The following SNPH variants were observed in gnomAD, a reference collection of about 807,000 sequenced individuals.
The protein encoded by SNPH is syntaphilin.
In SNPH, 10 loss-of-function variants were observed where a neutral mutation model predicts 36.8. That is an observed-to-expected ratio of 0.27 (90% CI 0.17 to 0.46). The LOEUF (loss-of-function observed/expected upper bound fraction) is 0.46, where lower values mean the gene tolerates loss of function less well. Among genes scored for constraint, SNPH ranks in the 20% least tolerant of loss-of-function variants. The pLI is 1.00. For missense variants in SNPH, 622 were observed against 744.0 expected (o/e 0.84, Z 1.91); for synonymous variants, 281 against 312.2 (o/e 0.90, Z 1.05).
At chr20:1,277,493 CTGTA>C (rs1300947696) in intron 2 of SNPH, among the ~76,000 whole-genome samples, 34 of 140,372 alleles carry the variant, frequency 2.4e-4, no homozygotes, top group African/African-American at 7.3e-4. Flanking sequence ...GCCTGTGTAT[CTGTA>C]TGTGTGTCCG....
rs956510762 is a variant in SNPH at position 1,294,762 on chromosome 20, A to T, written c.-492-189A>T. On this transcript the variant is annotated intron_variant, in intron 2 of 6. Coordinates refer to ENST00000381867, the MANE Select transcript of SNPH (RefSeq NM_001318234.2). This position sits in a 1 kb window ranked among gnomAD's most constrained non-coding sequence, Gnocchi z 4.4. ...GACCAGGCTCCGGGGAGGCCCTGAC[A>T]TGGGAAGGGGGTGGTCCCCGGGCCA... is the stretch of plus-strand genomic sequence containing the variant. 6.6e-6 allele frequency among the ~76,000 whole-genome samples: 1 copy of T among 152,154 alleles called. No individual in the cohort carries two copies. Among genetic ancestry groups the T allele is most frequent in the African/African-American group, 2.4e-5 (1 of 41,446 alleles).
intron 2 of SNPH, among the ~76,000 whole-genome samples, chr20:1,283,227 G>C (rs936045573): frequency 1.3e-5 from 2 of 152,176 alleles, no homozygotes; most frequent in African/African-American, 4.8e-5. Context: ...TTGCAAGGCT[G>C]CATTCTCAGC....
At position 1,306,066 on chromosome 20, in the gene SNPH, C is replaced by G; in HGVS notation, c.*12C>G. On this transcript the variant is annotated 3_prime_UTR_variant, in exon 7 of 7. Transcript: ENST00000381867. The stretch of plus-strand genomic sequence containing the variant: ...GCTCCCAGCTCTGAGGGGGCCCATT[C>G]TGGCAGCGGCGCCTGCGGCCTGACC... 1.7e-5 allele frequency: 25 copies of G among 1,438,614 alleles called. No individual in the cohort carries two copies. Among genetic ancestry groups the G allele is most frequent in the Non-Finnish European group, 2.3e-5 (25 of 1,098,620 alleles). 89.1% of individuals were successfully genotyped at this position (1,438,614 alleles called of 1,614,324 possible).
intron 5 of SNPH, among the ~76,000 whole-genome samples, chr20:1,298,389 A>G (rs1051309062): frequency 9.8e-5 from 15 of 152,314 alleles, no homozygotes; most frequent in African/African-American, 3.6e-4. Flanking sequence ...ATTTGTGTGA[A>G]GCGATGTCCA....
intron 2 of SNPH, among the ~76,000 whole-genome samples, chr20:1,289,660 C>T (rs1403578138): frequency 6.6e-6 from 1 of 150,864 alleles, no homozygotes; most frequent in Non-Finnish European, 1.5e-5. Context: ...CCAAGAGCAA[C>T]ATAGTGAGAC....
chr20:1,279,718 C>T (rs2122286268), intron 2 of SNPH, among the ~76,000 whole-genome samples: 1 of 151,632 alleles, frequency 6.6e-6, no homozygotes, highest in East Asian at 1.9e-4. Flanking sequence ...ACCTCCACCT[C>T]CTGGGCTCAG....
intron 2 of SNPH, among the ~76,000 whole-genome samples, chr20:1,289,776 C>T (rs2122351852): frequency 9.5e-6 from 1 of 105,608 alleles, no homozygotes; most frequent in African/African-American, 4.1e-5. Flanking sequence ...CTGCAGTGAG[C>T]TATGATTTTG....
chr20:1,278,645 A>G (rs2088181219), intron 2 of SNPH, among the ~76,000 whole-genome samples: 1 of 152,150 alleles, frequency 6.6e-6, no homozygotes, highest in South Asian at 2.1e-4. Context: ...CAGCATAATT[A>G]TTTTGAGATT....
intron 6 of SNPH, 48 bp downstream of exon 6, chr20:1,300,759 C>CA: frequency 6.4e-7 from 1 of 1,560,424 alleles, no homozygotes; most frequent in Non-Finnish European, 8.7e-7. Flanking sequence ...ACCAGCTCCA[C>CA]ACTCAGGGAA....
At chr20:1,281,874 T>C (rs908154245) in intron 2 of SNPH, among the ~76,000 whole-genome samples, 13 of 151,878 alleles carry the variant, frequency 8.6e-5, no homozygotes, top group African/African-American at 3.1e-4. Context: ...GAAGGGGGAG[T>C]AGCTTTGGGA....
intron 2 of SNPH, among the ~76,000 whole-genome samples, chr20:1,291,427 A>G (rs1329543046): frequency 2.6e-5 from 4 of 152,364 alleles, no homozygotes; most frequent in South Asian, 2.1e-4. Flanking sequence ...TGATGAGGCC[A>G]TAGCCAGTGC....
Position 1,276,226 on chromosome 20 carries a change from G to C in SNPH, c.-493+9466G>C, listed in dbSNP as rs534726501. Among the ~76,000 whole-genome samples the C allele has an allele frequency of 6.8e-6, 1 of 147,954 alleles. No individual in the cohort carries two copies. Among genetic ancestry groups the C allele is most frequent in the African/African-American group, 2.4e-5 (1 of 40,988 alleles). ...AGAGCCCCTTCCCCCTCCACAGGAG[G>C]GGGGCTCCTCACTCTGGGGCCGTGT... On this transcript the variant is annotated intron_variant, in intron 2 of 6. Transcript: ENST00000381867. The surrounding 1 kb of genome is among the most constrained non-coding windows in gnomAD (Gnocchi z 4.6).
chr20:1,293,460 G>A (rs2088389139), intron 2 of SNPH, among the ~76,000 whole-genome samples: 1 of 152,196 alleles, frequency 6.6e-6, no homozygotes. Flanking sequence ...TGGCCACCTG[G>A]GGAGAGGCCT....
At chr20:1,282,850 G>T (rs1014204559) in intron 2 of SNPH, among the ~76,000 whole-genome samples, 2 of 152,194 alleles carry the variant, frequency 1.3e-5, no homozygotes, top group African/African-American at 4.8e-5. Flanking sequence ...CTCGTGGTCA[G>T]CCCTATGCTA....
At chr20:1,302,581 A>G (rs1314571574) in intron 6 of SNPH, among the ~76,000 whole-genome samples, 5 of 149,086 alleles carry the variant, frequency 3.4e-5, no homozygotes, top group African/African-American at 1.2e-4. Context: ...AATTTCATCA[A>G]TATTTCTATC....
Position 1,304,863 on chromosome 20 carries a change from C to G in SNPH, c.441-15C>G, listed in dbSNP as rs769723000. 41 of 1,607,844 alleles carry G rather than the reference C, an allele frequency of 2.5e-5. 2 individuals are homozygous for G. In the South Asian group the frequency reaches 4.2e-4, roughly 16 times the overall value. ...AGGCAGGCAGTGAGCGTGTGTGTGT[C>G]TCCTCGGCTCGCAGGGACACAGAGA... On this transcript the variant is annotated splice_polypyrimidine_tract_variant and intron_variant, in intron 6 of 6. Transcript: ENST00000381867. This position sits in a 1 kb window ranked among gnomAD's most constrained non-coding sequence, Gnocchi z 4.3.
intron 2 of SNPH, among the ~76,000 whole-genome samples, chr20:1,278,206 CTG>C (rs1206353835): frequency 6.7e-6 from 1 of 149,158 alleles, no homozygotes. Flanking sequence ...GTGTCAGTGT[CTG>C]TGTGTGTGTT....
rs2088541361 is a variant in SNPH, at chr20:1,304,464, T to C, written c.441-414T>C. On this transcript the variant is annotated intron_variant, in intron 6 of 6. Coordinates refer to ENST00000381867, the MANE Select transcript of SNPH (RefSeq NM_001318234.2). This position sits in a 1 kb window ranked among gnomAD's most constrained non-coding sequence, Gnocchi z 4.3. The stretch of plus-strand genomic sequence containing the variant: ...TATAGAGCAGAGATTTCCTGCCTAG[T>C]TTTTGTTGTTTCACATTAAGATTTT... Among the ~76,000 whole-genome samples the C allele has an allele frequency of 6.6e-6, 1 of 152,114 alleles. No individual in the cohort carries two copies. The highest frequency in any genetic ancestry group is 6.5e-5 in the Admixed American group (1 of 15,270).
rs2088398926 is a variant in SNPH, at chr20:1,294,175, C to T, written c.-492-776C>T. ...GCATGTCACACCTGCAGCTGTGTGA[C>T]CTTGGGCCCAAATGCAGTAACAAAG... On this transcript the variant is annotated intron_variant, in intron 2 of 6. Coordinates refer to ENST00000381867, the MANE Select transcript of SNPH (RefSeq NM_001318234.2). This position sits in a 1 kb window ranked among gnomAD's most constrained non-coding sequence, Gnocchi z 4.4. 6.6e-6 allele frequency among the ~76,000 whole-genome samples: 1 copy of T among 152,226 alleles called. No individual in the cohort carries two copies. The highest frequency in any genetic ancestry group is 1.5e-5 in the Non-Finnish European group (1 of 68,038).
Sources: allele counts gnomAD v4.1 joint callset (sites outside exome capture counted in the v4.1 genomes callset), GRCh38; gene constraint gnomAD v4.1.1; non-coding constraint Gnocchi (gnomAD v3.1); transcripts MANE v1.5; gene names NCBI Gene and HGNC (gene_info 2026-07-23, HGNC 2026-07-21).